Variants in ORC3 observed in about 807,000 individuals in gnomAD.
The protein encoded by ORC3 is origin recognition complex subunit 3.
In ORC3, 78 loss-of-function variants were observed where a neutral mutation model predicts 100.7. That is an observed-to-expected ratio of 0.77 (90% CI 0.65 to 0.94). The LOEUF is 0.94. Among genes scored for constraint, ORC3 ranks in the 40% least tolerant of loss-of-function variants. The pLI is 0.00. For missense variants in ORC3, 789 were observed against 823.9 expected, an observed-to-expected ratio of 0.96 and a Z score of 0.52; for synonymous variants, 295 against 289.3, an observed-to-expected ratio of 1.02 and a Z score of -0.20.
downstream of ORC3, among the ~76,000 whole-genome samples, chr6:87,668,810 C>T (rs1770770221): frequency 6.6e-6 from 1 of 152,026 alleles, no homozygotes; most frequent in Non-Finnish European, 1.5e-5. Flanking sequence ...TGGTAAAACC[C>T]CATCTCTACT....
At chr6:87,634,494 C>T (rs529980308) in intron 11 of ORC3, among the ~76,000 whole-genome samples, 1 of 152,232 alleles carries the variant, frequency 6.6e-6, no homozygotes, top group Non-Finnish European at 1.5e-5. Context: ...AAAGCACCTT[C>T]CCTTGCTGTG....
intron 4 of ORC3, 108 bp downstream of exon 4, chr6:87,603,636 G>T: frequency 3.5e-6 from 2 of 575,000 alleles, no homozygotes. Flanking sequence ...AGCCTATTTT[G>T]TCTCTCTTAT....
intron 11 of ORC3, among the ~76,000 whole-genome samples, chr6:87,632,027 T>C (rs1767461064): frequency 6.6e-6 from 1 of 151,754 alleles, no homozygotes; most frequent in Non-Finnish European, 1.5e-5. Flanking sequence ...AACCAGGCAT[T>C]ATGGCAGGCG....
chr6:87,603,404 TA>T lies in ORC3; in HGVS notation c.203del (p.Asn68ThrfsTer6). The T allele has an allele frequency of 6.6e-7, 1 of 1,507,388 alleles. No homozygotes were observed. The highest frequency in any genetic ancestry group is 1.3e-5 in the South Asian group (1 of 75,558). 93.4% of individuals were successfully genotyped at this position (1,507,388 alleles called of 1,614,324 possible). A position where few individuals can be genotyped will look rare whatever the true frequency, so the allele number is the denominator to read the frequency against. ...ENERLQEELN[K>X]NLFDNLIEFL... is the part of the protein sequence containing the mutation. ...TGTAGCGACTACAAGAGGAATTAAA[TA>T]AAAACTTGTTTGACAATCTGATTGA... is the stretch of plus-strand genomic sequence containing the variant. On this transcript the variant is annotated frameshift_variant, in exon 4 of 20. Coordinates refer to ENST00000392844, the MANE Select transcript of ORC3 (RefSeq NM_012381.4). LOFTEE classifies it high-confidence loss of function.
intron 17 of ORC3, among the ~76,000 whole-genome samples, chr6:87,663,464 C>T (rs560878428): frequency 1.3e-5 from 2 of 152,318 alleles, no homozygotes; most frequent in East Asian, 3.9e-4. Flanking sequence ...GAAATGTTTC[C>T]TGTAAACATA....
At chr6:87,659,188 C>T (rs575098406) in intron 16 of ORC3, among the ~76,000 whole-genome samples, 1 of 151,430 alleles carries the variant, frequency 6.6e-6, no homozygotes, top group Non-Finnish European at 1.5e-5. Flanking sequence ...CTCAGCCTCC[C>T]GAGTAGCTGG....
intron 4 of ORC3, among the ~76,000 whole-genome samples, chr6:87,603,901 G>T (rs575998907): frequency 5.3e-5 from 8 of 151,954 alleles, no homozygotes; most frequent in Admixed American, 5.3e-4. Flanking sequence ...TTTTTTAGTC[G>T]TATCTTCAAT....
chr6:87,621,570 A>G (rs977212381), intron 10 of ORC3, 83 bp downstream of exon 10: 7 of 924,240 alleles, frequency 7.6e-6, no homozygotes, highest in Middle Eastern at 2.3e-4. Context: ...TTATTTCTGA[A>G]GTAGGGAAAG....
At chr6:87,629,338 T>A (rs1780142395) in intron 11 of ORC3, among the ~76,000 whole-genome samples, 1 of 152,226 alleles carries the variant, frequency 6.6e-6, no homozygotes, top group African/African-American at 2.4e-5. Flanking sequence ...ATACTTTATT[T>A]TATAATCTGA....
In ORC3 at chr6:87,603,402, A is replaced by G. The variant is rs770970297; in HGVS notation, c.196A>G (p.Asn66Asp). 53 of 1,505,106 alleles carry G rather than the reference A, an allele frequency of 3.5e-5. No homozygotes were observed. The highest frequency in any genetic ancestry group is 4.5e-5 in the Non-Finnish European group (50 of 1,103,528). The allele number at this position is 1,505,106 out of a possible 1,614,324, so 93.2% of individuals were successfully genotyped here. A position where few individuals can be genotyped will look rare whatever the true frequency, so the allele number is the denominator to read the frequency against. The change falls in exon 4 of 20, where the codon AAT becomes GAT. Residue 66 changes from asparagine to aspartate, a missense_variant. Physicochemically the swap from Asn to Asp is conservative, Grantham distance 23. This residue lies in a region of ORC3 where 399 missense variants were observed against 382.0 expected (regional missense o/e 1.04). Transcript: ENST00000392844. ...SENERLQEELNKNLFDNLIEF... is the reference protein window; with the variant it reads ...SENERLQEELDKNLFDNLIEF... Reference sequence around the variant, plus strand: ...TTTGTAGCGACTACAAGAGGAATTAAATAAAAACTTGTTTGACAATCTGAT... The same window carrying G: ...TTTGTAGCGACTACAAGAGGAATTAGATAAAAACTTGTTTGACAATCTGAT...
the ORC3 span, among the ~76,000 whole-genome samples, chr6:87,674,696 G>A: frequency 2.1e-5 from 3 of 141,056 alleles, no homozygotes; most frequent in East Asian, 6.0e-4. Context: ...GGATAGTCTC[G>A]ATCTCCTGAC....
downstream of ORC3, among the ~76,000 whole-genome samples, chr6:87,670,743 C>A (rs1009994455): frequency 1.3e-5 from 2 of 152,148 alleles, no homozygotes; most frequent in African/African-American, 4.8e-5. Context: ...CAAGCATGTG[C>A]CATGTGCCAG....
In ORC3 at chr6:87,599,354, ATTATTTAT is replaced by A. The variant is rs71021304; in HGVS notation, c.80-2407_80-2400del. Among the ~76,000 whole-genome samples the A allele has an allele frequency of 2.4e-4, 35 of 145,166 alleles. 1 individual carries two copies. The highest frequency in any genetic ancestry group is 2.2e-3 in the South Asian group (10 of 4,572). On this transcript the variant is annotated intron_variant, in intron 2 of 19. Coordinates refer to ENST00000392844, the MANE Select transcript of ORC3 (RefSeq NM_012381.4). ...TTGTTCTGCTTTGTCTCTTTTTTTTATTATTTATTTATTTATTTATTTATTTATTTTGA... is the reference window on the plus strand; with the variant it reads ...TTGTTCTGCTTTGTCTCTTTTTTTTATTATTTATTTATTTATTTATTTTGA...
At chr6:87,638,193 G>A (rs1232433260) in intron 13 of ORC3, among the ~76,000 whole-genome samples, 1 of 152,204 alleles carries the variant, frequency 6.6e-6, no homozygotes, top group Admixed American at 6.5e-5. Context: ...AATGTAAAAA[G>A]CACTATGGGT....
chr6:87,610,692 T>A (rs1361059119), intron 7 of ORC3, among the ~76,000 whole-genome samples: 1 of 147,346 alleles, frequency 6.8e-6, no homozygotes, highest in Non-Finnish European at 1.5e-5. Flanking sequence ...TAGCTGGGAC[T>A]ACAGGCGCCC....
At chr6:87,647,451 C>T (rs1457857341) in intron 13 of ORC3, among the ~76,000 whole-genome samples, 1 of 152,192 alleles carries the variant, frequency 6.6e-6, no homozygotes, top group East Asian at 1.9e-4. Flanking sequence ...GATCAAATGT[C>T]ATCTTTTCAG....
chr6:87,590,375 C>T (rs1287397360), intron 1 of ORC3, among the ~76,000 whole-genome samples, 183 bp downstream of exon 1: 1 of 152,138 alleles, frequency 6.6e-6, no homozygotes, highest in Non-Finnish European at 1.5e-5. Flanking sequence ...GGAGCGAGGA[C>T]GCGGATCTGC....
intron 6 of ORC3, 76 bp from the exon 7 acceptor site, chr6:87,609,020 T>G: frequency 1.7e-6 from 2 of 1,189,540 alleles, no homozygotes; most frequent in Non-Finnish European, 2.3e-6. Flanking sequence ...GAGAGATATG[T>G]CAACATGTGG....
intron 4 of ORC3, among the ~76,000 whole-genome samples, chr6:87,604,515 C>A (rs910728074): frequency 2.0e-5 from 3 of 152,150 alleles, no homozygotes; most frequent in Non-Finnish European, 2.9e-5. Flanking sequence ...AGTGATGGCC[C>A]ACTTGTACCA....
Sources: gnomAD v4.1 joint callset for allele counts (sites outside exome capture counted in the v4.1 genomes callset) on GRCh38, gnomAD v4.1.1 for gene constraint, gnomAD v4.1.1 regional missense constraint, MANE v1.5 for transcripts, NCBI Gene and HGNC (gene_info 2026-07-23, HGNC 2026-07-21) for gene names.